The following CNTN4 variants were observed in gnomAD, a reference collection of about 807,000 sequenced individuals.
CNTN4 encodes the protein contactin 4.
In CNTN4, 77 loss-of-function variants were observed where a neutral mutation model predicts 122.5. The observed-to-expected ratio is 0.63, with a 90% confidence interval of 0.52 to 0.76. CNTN4 has a LOEUF of 0.76. Among genes scored for constraint, CNTN4 ranks in the 30% least tolerant of loss-of-function variants. The pLI is 0.00. For missense variants in CNTN4, 1,256 were observed against 1,259.1 expected (o/e 1.00, Z 0.04); for synonymous variants, 512 against 447.0 (o/e 1.15, Z -1.83).
chr3:2,457,350 T>G (rs1226750527), intron 3 of CNTN4, among the ~76,000 whole-genome samples: 2 of 152,154 alleles, frequency 1.3e-5, no homozygotes, highest in African/African-American at 4.8e-5. Context: ...TGTATTAGTT[T>G]TCTTCCTTAA....
rs576375620 is a variant in CNTN4 at position 2,819,534 on chromosome 3, G to A, written c.407G>A (p.Arg136Gln). The A allele has an allele frequency of 7.4e-6, 12 of 1,614,102 alleles. No homozygotes were observed. Among genetic ancestry groups the A allele is most frequent in the Middle Eastern group, 1.6e-4 (1 of 6,062 alleles). The change falls in exon 7 of 25, where the codon CGA becomes CAA. Residue 136 changes from arginine to glutamine, a missense_variant. By Grantham distance (43) the Arg-to-Gln change is conservative. Coordinates refer to ENST00000418658, the MANE Select transcript of CNTN4 (RefSeq NM_175607.3). ...TRTRSTVSVRRGQGMVLLCGP... is the reference protein window; with the variant it reads ...TRTRSTVSVRQGQGMVLLCGP... ...ACAAGAAGCACTGTGTCTGTCCGTCGAGGTCAAGGAATGGTGCTACTGTGT... is the reference window on the plus strand; with the variant it reads ...ACAAGAAGCACTGTGTCTGTCCGTCAAGGTCAAGGAATGGTGCTACTGTGT...
chr3:2,974,868 C>T (rs923063400), intron 13 of CNTN4, among the ~76,000 whole-genome samples: 8 of 152,142 alleles, frequency 5.3e-5, no homozygotes, highest in Admixed American at 3.9e-4. Flanking sequence ...CCTGCCATCA[C>T]CAAAGAGTTG....
At chr3:2,278,189 C>T (rs765997643) in intron 2 of CNTN4, among the ~76,000 whole-genome samples, 1 of 152,106 alleles carries the variant, frequency 6.6e-6, no homozygotes, top group African/African-American at 2.4e-5. Context: ...AACTTTCCTC[C>T]AAACAGACAA....
At chr3:2,380,285 G>A (rs1298183827) in intron 3 of CNTN4, among the ~76,000 whole-genome samples, 1 of 148,718 alleles carries the variant, frequency 6.7e-6, no homozygotes, top group East Asian at 1.9e-4. Flanking sequence ...CAGCCTCAAT[G>A]GTAACATTAG....
chr3:3,004,398 T>G (rs929306908), intron 14 of CNTN4, among the ~76,000 whole-genome samples: 16 of 152,178 alleles, frequency 1.1e-4, no homozygotes, highest in Admixed American at 4.6e-4. Flanking sequence ...CCACTGTAGC[T>G]CTACAAAATC....
At chr3:3,026,881 A>G (rs1447685353) in intron 15 of CNTN4, among the ~76,000 whole-genome samples, 2 of 152,196 alleles carry the variant, frequency 1.3e-5, no homozygotes, top group Non-Finnish European at 2.9e-5. Context: ...AAGAGGTTAA[A>G]TCTGGGAACA....
rs147591489 is a variant in CNTN4 at position 2,913,513 on chromosome 3, G to A, written c.1207+10508G>A. ...GAACCTAAAGAGAGCAAGGGTGACCGTATTAATATCAGACAAAATAAACTT... is the reference window on the plus strand; with the variant it reads ...GAACCTAAAGAGAGCAAGGGTGACCATATTAATATCAGACAAAATAAACTT... On this transcript the variant is annotated intron_variant, in intron 12 of 24. Coordinates refer to ENST00000418658, the MANE Select transcript of CNTN4 (RefSeq NM_175607.3). 3.3e-3 allele frequency among the ~76,000 whole-genome samples: 505 copies of A among 152,260 alleles called. 6 individuals carry two copies. The highest frequency in any genetic ancestry group is 0.011 in the African/African-American group (469 of 41,546).
intron 2 of CNTN4, among the ~76,000 whole-genome samples, chr3:2,246,163 A>T (rs1353449942): frequency 6.6e-6 from 1 of 151,798 alleles, no homozygotes; most frequent in African/African-American, 2.4e-5. Context: ...TGTTTTTTTA[A>T]AAAAAATATC....
At chr3:2,651,631 G>A (rs574201494) in intron 4 of CNTN4, among the ~76,000 whole-genome samples, 2 of 152,106 alleles carry the variant, frequency 1.3e-5, no homozygotes, top group South Asian at 2.1e-4. Flanking sequence ...CAGGAAGATC[G>A]CTTGAGCCCA....
intron 14 of CNTN4, among the ~76,000 whole-genome samples, chr3:3,018,947 A>C (rs1178776463): frequency 6.6e-6 from 1 of 152,220 alleles, no homozygotes; most frequent in Non-Finnish European, 1.5e-5. Flanking sequence ...CGAAGAGCCC[A>C]ACTTAAAAGG....
chr3:2,649,782 G>A (rs1426446763), intron 4 of CNTN4, among the ~76,000 whole-genome samples: 4 of 151,758 alleles, frequency 2.6e-5, no homozygotes, highest in East Asian at 3.9e-4. Context: ...GATGGATCTC[G>A]GCAAAGTAAA....
intron 6 of CNTN4, among the ~76,000 whole-genome samples, chr3:2,752,296 A>G (rs2090133741): frequency 1.3e-5 from 2 of 152,186 alleles, no homozygotes; most frequent in South Asian, 4.1e-4. Context: ...CTAAACTATC[A>G]TTTCTTTGTG....
chr3:2,922,770 C>A (rs1163294343), intron 12 of CNTN4, among the ~76,000 whole-genome samples: 1 of 151,948 alleles, frequency 6.6e-6, no homozygotes, highest in Non-Finnish European at 1.5e-5. Context: ...CAACACCACG[C>A]CCAGCTAATT....
intron 6 of CNTN4, among the ~76,000 whole-genome samples, chr3:2,746,143 G>A (rs4642106): frequency 0.85 from 127,448 of 149,804 alleles, 54,876 homozygotes; most frequent in Non-Finnish European, 0.92. Flanking sequence ...GCGAGCAATT[G>A]AGCTGCCAGT....
chr3:2,870,239 T>G (rs2093769337), intron 8 of CNTN4, among the ~76,000 whole-genome samples: 1 of 152,214 alleles, frequency 6.6e-6, no homozygotes, highest in Non-Finnish European at 1.5e-5. Context: ...CTGGTATATC[T>G]TCATAGAGAT....
chr3:2,232,019 C>A (rs564587946), intron 2 of CNTN4, among the ~76,000 whole-genome samples: 5 of 152,136 alleles, frequency 3.3e-5, no homozygotes, highest in Admixed American at 6.5e-5. Context: ...ATTTAAATAA[C>A]ATGTTTTAGA....
At chr3:3,004,889 G>A (rs1696460243) in intron 14 of CNTN4, among the ~76,000 whole-genome samples, 1 of 152,234 alleles carries the variant, frequency 6.6e-6, no homozygotes, top group Admixed American at 6.5e-5. Context: ...TCAGGGGTCA[G>A]CTGGGTGGCT....
At chr3:2,293,928 G>A (rs529859835) in intron 2 of CNTN4, among the ~76,000 whole-genome samples, 3 of 152,268 alleles carry the variant, frequency 2.0e-5, no homozygotes, top group South Asian at 2.1e-4. Context: ...CAATTCTGGA[G>A]GTCAGCAGTT....
At chr3:2,685,570 A>G (rs2085389876) in intron 4 of CNTN4, among the ~76,000 whole-genome samples, 1 of 152,204 alleles carries the variant, frequency 6.6e-6, no homozygotes, top group South Asian at 2.1e-4. Flanking sequence ...TTATGCAAAT[A>G]GTGTGAAGAT....
Sources: gnomAD v4.1 joint callset for allele counts (sites outside exome capture counted in the v4.1 genomes callset) on GRCh38, gnomAD v4.1.1 for gene constraint, MANE v1.5 for transcripts, NCBI Gene and HGNC (gene_info 2026-07-23, HGNC 2026-07-21) for gene names.